Variants in BCR observed in about 807,000 individuals in gnomAD.
The protein encoded by BCR is breakpoint cluster region protein.
A neutral mutation model predicts 138.6 loss-of-function variants in BCR; 58 were observed. The ratio of observed to expected loss-of-function variants is 0.42; its 90% CI spans 0.34 to 0.52. The LOEUF is 0.52. Among genes scored for constraint, BCR ranks in the 20% least tolerant of loss-of-function variants. The pLI is 0.06. For missense variants in BCR, 1,599 were observed against 1,727.2 expected, an observed-to-expected ratio of 0.93 and a Z score of 1.32; for synonymous variants, 786 against 730.1, an observed-to-expected ratio of 1.08 and a Z score of -1.23.
chr22:23,312,842 C>T, intron 19 of BCR, 45 bp from the exon 20 acceptor site: 1 of 1,595,256 alleles, frequency 6.3e-7, no homozygotes. Context: ...GGGAGACTCA[C>T]TCGGGATCCT....
intron 1 of BCR, among the ~76,000 whole-genome samples, chr22:23,253,554 C>T (rs2073256293): frequency 6.6e-6 from 1 of 152,216 alleles, no homozygotes; most frequent in East Asian, 1.9e-4. Flanking sequence ...AGTCACAACC[C>T]CCTGCCAGGG....
intron 1 of BCR, among the ~76,000 whole-genome samples, chr22:23,214,152 CAGAT>C (rs1272156951): frequency 6.6e-6 from 1 of 150,680 alleles, no homozygotes; most frequent in African/African-American, 2.4e-5. Context: ...GCTGTTATGA[CAGAT>C]AGCGGGAGAG....
intron 1 of BCR, among the ~76,000 whole-genome samples, chr22:23,242,102 A>G (rs2073099859): frequency 6.6e-6 from 1 of 152,212 alleles, no homozygotes; most frequent in Non-Finnish European, 1.5e-5. Flanking sequence ...CATTAGTTTT[A>G]CAGGTGCATG....
rs755491922 is a variant in BCR at position 23,292,513 on chromosome 22, CCTT to C, written c.2783-25_2783-23del. 8 of 1,541,480 alleles carry C rather than the reference CCTT, an allele frequency of 5.2e-6. No homozygotes were observed. In the Middle Eastern group the frequency reaches 5.1e-4, roughly 98 times the overall value. ...TGGGTGATGTGGAAAAGACCTGTGA[CCTT>C]CTCCATGTCCACTTCTCCCCACAGA... On this transcript the variant is annotated intron_variant, in intron 14 of 22. Coordinates refer to ENST00000305877, the MANE Select transcript of BCR (RefSeq NM_004327.4).
chr22:23,217,860 G>A (rs1415691701), intron 1 of BCR, among the ~76,000 whole-genome samples: 2 of 152,238 alleles, frequency 1.3e-5, no homozygotes, highest in African/African-American at 2.4e-5. Context: ...CGGGTAGGCG[G>A]TGATCTGCAG....
At chr22:23,242,484 G>A (rs545797511) in intron 1 of BCR, among the ~76,000 whole-genome samples, 6 of 152,240 alleles carry the variant, frequency 3.9e-5, no homozygotes, top group Admixed American at 6.5e-5. Flanking sequence ...GTAGCCATCC[G>A]GTGTATTTTG....
Position 23,181,057 on chromosome 22 carries a change from C to G in BCR, c.97C>G (p.Gln33Glu), listed in dbSNP as rs2072244821. The change falls in exon 1 of 23, where the codon CAG becomes GAG. Residue 33 changes from glutamine to glutamate, a missense_variant. By Grantham distance (29) the Gln-to-Glu change is conservative. This residue lies in a region of BCR where 806 missense variants were observed against 635.0 expected (regional missense o/e 1.27). Coordinates refer to ENST00000305877, the MANE Select transcript of BCR (RefSeq NM_004327.4). Reference sequence around the variant, plus strand: ...GCTGCGCTCAGTGGGCGACATCGAGCAGGAGCTGGAGCGCTGCAAGGCCTC... The same window carrying G: ...GCTGCGCTCAGTGGGCGACATCGAGGAGGAGCTGGAGCGCTGCAAGGCCTC... The part of the protein sequence containing the change: ...MELRSVGDIE[Q>E]ELERCKASIR... 3.3e-6 allele frequency: 5 copies of G among 1,519,492 alleles called. No homozygotes were observed. Among genetic ancestry groups the G allele is most frequent in the African/African-American group, 1.4e-5 (1 of 70,560 alleles). The allele number at this position is 1,519,492 out of a possible 1,614,324, so 94.1% of individuals were successfully genotyped here.
At chr22:23,277,024 T>C (rs2073585654) in intron 8 of BCR, among the ~76,000 whole-genome samples, 1 of 152,152 alleles carries the variant, frequency 6.6e-6, no homozygotes, top group African/African-American at 2.4e-5. Flanking sequence ...CTGCCATCTG[T>C]GTCGGAGGTG....
intron 20 of BCR, 95 bp downstream of exon 20, chr22:23,313,116 CT>C: frequency 1.4e-6 from 2 of 1,437,882 alleles, no homozygotes; most frequent in Non-Finnish European, 1.9e-6. Flanking sequence ...GGAACCCAAG[CT>C]GTGCCCCCTC....
At chr22:23,310,232 G>A (rs2146327400) in intron 17 of BCR, 92 bp from the exon 18 acceptor site, 3 of 613,426 alleles carry the variant, frequency 4.9e-6, no homozygotes, top group Non-Finnish European at 9.1e-6. Context: ...CTTGGGGGTG[G>A]AAATATTTGA....
chr22:23,204,330 C>T (rs1471770670), intron 1 of BCR, among the ~76,000 whole-genome samples: 1 of 152,118 alleles, frequency 6.6e-6, no homozygotes, highest in Non-Finnish European at 1.5e-5. Context: ...CTCCTTGGGC[C>T]TCTGAATTCC....
intron 15 of BCR, among the ~76,000 whole-genome samples, chr22:23,293,411 G>C (rs1029748279): frequency 6.6e-5 from 10 of 152,284 alleles, no homozygotes; most frequent in African/African-American, 2.2e-4. Flanking sequence ...TGGAACCCAG[G>C]TCTCCTTTCT....
At position 23,263,649 on chromosome 22, in the gene BCR, T is replaced by C. The variant is rs561087691; in HGVS notation, c.1752+2109T>C. On this transcript the variant is annotated intron_variant, in intron 4 of 22. Transcript: ENST00000305877. ...TGCTGGCCACCTCGCATATTGTCAG[T>C]GCAGGAGGAGATGGGAAGATTGGCC... 9.5e-6 allele frequency: 14 copies of C among 1,467,768 alleles called. 1 individual carries two copies. The East Asian group carries it at 1.4e-4, about 14-fold the overall frequency. 90.9% of individuals were successfully genotyped at this position (1,467,768 alleles called of 1,614,324 possible). A position where few individuals can be genotyped will look rare whatever the true frequency, so the allele number is the denominator to read the frequency against.
chr22:23,296,713 G>C (rs971113887), intron 16 of BCR, among the ~76,000 whole-genome samples: 3 of 152,208 alleles, frequency 2.0e-5, no homozygotes, highest in African/African-American at 7.2e-5. Context: ...ACGCTGAAGC[G>C]AGAGGATTGC....
intron 21 of BCR, 28 bp from the exon 22 acceptor site, chr22:23,314,524 C>T (rs771696530): frequency 1.2e-6 from 2 of 1,611,664 alleles, no homozygotes; most frequent in East Asian, 2.2e-5. Context: ...GGCGTTGAAA[C>T]AGCACCCGCT....
chr22:23,283,947 C>A, intron 8 of BCR, 30 bp from the exon 9 acceptor site: 1 of 1,564,962 alleles, frequency 6.4e-7, no homozygotes, highest in Admixed American at 1.9e-5. Flanking sequence ...CCCAGGCTGG[C>A]CCTGACCCCA....
chr22:23,247,177 C>T (rs907254441), intron 1 of BCR, among the ~76,000 whole-genome samples: 15 of 152,122 alleles, frequency 9.9e-5, no homozygotes, highest in Admixed American at 3.3e-4. Flanking sequence ...AGATGGGAGG[C>T]CAAGAGGAGG....
intron 10 of BCR, 150 bp downstream of exon 10, chr22:23,285,351 G>A: frequency 1.2e-6 from 1 of 818,168 alleles, no homozygotes; most frequent in Non-Finnish European, 1.9e-6. Flanking sequence ...TGGAGGGCTG[G>A]GCATCTGGGC....
chr22:23,199,885 C>A (rs561730664), intron 1 of BCR, among the ~76,000 whole-genome samples: 9 of 152,122 alleles, frequency 5.9e-5, no homozygotes, highest in Non-Finnish European at 1.0e-4. Context: ...GGTCAAGAGA[C>A]CATCCTGGCT....
Sources: gnomAD v4.1 joint callset for allele counts (sites outside exome capture counted in the v4.1 genomes callset) on GRCh38, gnomAD v4.1.1 for gene constraint, gnomAD v4.1.1 regional missense constraint, MANE v1.5 for transcripts, NCBI Gene and HGNC (gene_info 2026-07-23, HGNC 2026-07-21) for gene names.